The following KRT2 variants were observed in gnomAD, a reference collection of about 807,000 sequenced individuals.
The protein encoded by KRT2 is keratin 2.
KRT2 carries 37 observed loss-of-function variants against 48.5 expected under a neutral mutation model. That is an observed-to-expected ratio of 0.76 (90% CI 0.59 to 1.00). KRT2 has a LOEUF of 1.00. Ranked by LOEUF, KRT2 falls within the 50% of genes least tolerant of loss-of-function variation. The pLI, the probability that KRT2 is intolerant of heterozygous loss-of-function variation, is 0.00. For synonymous variants in KRT2, 324 were observed against 312.2 expected, an observed-to-expected ratio of 1.04 and a Z score of -0.40; for missense variants, 880 against 815.2, an observed-to-expected ratio of 1.08 and a Z score of -0.97.
chr12:52,651,663 C>A lies in KRT2; in HGVS notation c.480G>T (p.Leu160=). The part of the protein sequence containing the change: ...IHEVSVNQSL[L]QPLNVKVDPE... Reference sequence around the variant, plus strand: ...GGTCAACTTTCACGTTGAGAGGCTGCAGGAGGCTCTGGTTGACAGAGACTT... The same window carrying A: ...GGTCAACTTTCACGTTGAGAGGCTGAAGGAGGCTCTGGTTGACAGAGACTT... The change falls in exon 1 of 9, where the codon CTG becomes CTT. Residue 160 remains leucine, a synonymous_variant. Coordinates refer to ENST00000309680, the MANE Select transcript of KRT2 (RefSeq NM_000423.3). The A allele has an allele frequency of 1.2e-6, 2 of 1,614,114 alleles. No homozygotes were observed. Among genetic ancestry groups the A allele is most frequent in the South Asian group, 1.1e-5 (1 of 91,076 alleles).
Position 52,647,729 on chromosome 12 carries a change from C to CAT in KRT2, c.1248_1248+1insAT (p.Cys417IlefsTer27). On this transcript the variant is annotated frameshift_variant and splice_region_variant. Coordinates refer to ENST00000309680, the MANE Select transcript of KRT2 (RefSeq NM_000423.3). LOFTEE classifies it high-confidence loss of function. The stretch of plus-strand genomic sequence containing the variant: ...CCTCGCTGGACAGGGCTGGGCCTCA[C>CAT]CTGCTTCTTCACATGTGCGATCTCC... 1 of 1,613,764 alleles carries CAT rather than the reference C, an allele frequency of 6.2e-7. No homozygotes were observed. Among genetic ancestry groups the CAT allele is most frequent in the Non-Finnish European group, 8.5e-7 (1 of 1,179,884 alleles).
Position 52,651,693 on chromosome 12 carries a change from G to T in KRT2, c.450C>A (p.Ile150=). ...GFGPGGYPGG[I]HEVSVNQSLL... Reference sequence around the variant, plus strand: ...GGCTCTGGTTGACAGAGACTTCGTGGATGCCACCAGGGTATCCTCCAGGCC... The same window carrying T: ...GGCTCTGGTTGACAGAGACTTCGTGTATGCCACCAGGGTATCCTCCAGGCC... The change falls in exon 1 of 9, where the codon ATC becomes ATA. Residue 150 remains isoleucine, a synonymous_variant. Transcript: ENST00000309680. 1.9e-6 allele frequency: 3 copies of T among 1,614,036 alleles called. No homozygotes were observed. The highest frequency in any genetic ancestry group is 2.5e-6 in the Non-Finnish European group (3 of 1,180,008).
In KRT2 at chr12:52,647,842, T is replaced by C. The variant is rs767218241; in HGVS notation, c.1136A>G (p.Gln379Arg). 2 of 1,614,152 alleles carry C rather than the reference T, an allele frequency of 1.2e-6. No homozygotes were observed. Among genetic ancestry groups the C allele is most frequent in the South Asian group, 2.2e-5 (2 of 91,072 alleles). The change falls in exon 6 of 9, where the codon CAG (glutamine) becomes CGG (arginine). Residue 379 changes from glutamine to arginine, a missense_variant. Coordinates refer to ENST00000309680, the MANE Select transcript of KRT2 (RefSeq NM_000423.3). ...ALYHSKYEEL[Q>R]VTVGRHGDSL... Reference sequence around the variant, plus strand: ...GTCTCCATGTCTCCCGACAGTCACCTGGAGCTCCTCATACTGATATGGGGA... The same window carrying C: ...GTCTCCATGTCTCCCGACAGTCACCCGGAGCTCCTCATACTGATATGGGGA...
chr12:52,647,349 C>T (rs746979232), intron 6 of KRT2, among the ~76,000 whole-genome samples: 3 of 152,268 alleles, frequency 2.0e-5, no homozygotes, highest in Non-Finnish European at 4.4e-5. Flanking sequence ...GCCCTCAATA[C>T]TCACTGCCCC....
chr12:52,645,810 C>T (rs545358745), intron 7 of KRT2, among the ~76,000 whole-genome samples: 5 of 152,326 alleles, frequency 3.3e-5, no homozygotes, highest in South Asian at 2.1e-4. Flanking sequence ...TGAACAGTTG[C>T]GTGGTTGATC....
At chr12:52,646,156 C>T (rs1941158974) in intron 7 of KRT2, among the ~76,000 whole-genome samples, 1 of 152,218 alleles carries the variant, frequency 6.6e-6, no homozygotes, top group Non-Finnish European at 1.5e-5. Context: ...GGTAGCTTTT[C>T]CCCTTCCAAT....
chr12:52,652,098 ACCT>A lies in KRT2; in HGVS notation c.42_44del (p.Gly18del), dbSNP rs1941264284. 1 of 1,584,652 alleles carries A rather than the reference ACCT, an allele frequency of 6.3e-7. No individual in the cohort carries two copies. Among genetic ancestry groups the A allele is most frequent in the Non-Finnish European group, 8.5e-7 (1 of 1,171,658 alleles). The stretch of plus-strand genomic sequence containing the variant: ...TGCTGAAGCCCCGGAATCCTCCTCC[ACCT>A]CCTCCTCTTCCTCGAGATTTGCAAG... On this transcript the variant is annotated inframe_deletion, in exon 1 of 9. Transcript: ENST00000309680.
At position 52,646,837 on chromosome 12, in the gene KRT2, G is replaced by A. The variant is rs779911777; in HGVS notation, c.1372C>T (p.Arg458Trp). 2.5e-5 allele frequency: 40 copies of A among 1,613,986 alleles called. No homozygotes were observed. The highest frequency in any genetic ancestry group is 2.2e-4 in the South Asian group (20 of 91,076). Residue 458 changes from arginine (R) to tryptophan (W), a missense_variant, in exon 7 of 9, where the codon CGG (arginine) becomes TGG (tryptophan). Coordinates refer to ENST00000309680, the MANE Select transcript of KRT2 (RefSeq NM_000423.3). Reference sequence around the variant, plus strand: ...AGCTCCTGGTAGTCACGCAGCAGCCGCGCCAAGTCCTCCTTGGCCTGCTGC... The same window carrying A: ...AGCTCCTGGTAGTCACGCAGCAGCCACGCCAAGTCCTCCTTGGCCTGCTGC... ...ALQQAKEDLA[R>W]LLRDYQELMN...
rs1464188348 is a variant in KRT2, at chr12:52,644,937, G to A, written c.*82C>T. 10 of 1,490,226 alleles carry A rather than the reference G, an allele frequency of 6.7e-6. No individual in the cohort carries two copies. The highest frequency in any genetic ancestry group is 2.3e-5 in the East Asian group (1 of 44,282). 92.3% of individuals were successfully genotyped at this position (1,490,226 alleles called of 1,614,324 possible). A position where few individuals can be genotyped will look rare whatever the true frequency, so the allele number is the denominator to read the frequency against. On this transcript the variant is annotated 3_prime_UTR_variant, in exon 9 of 9. Transcript: ENST00000309680. Reference sequence around the variant, plus strand: ...ATGACAAAAATTTAACTTGCTGCCAGTTAGAGGTACAGAGACAGGCTTCTA... The same window carrying A: ...ATGACAAAAATTTAACTTGCTGCCAATTAGAGGTACAGAGACAGGCTTCTA...
chr12:52,648,503 C>A (rs1166896156), intron 4 of KRT2, among the ~76,000 whole-genome samples, 166 bp from the exon 5 acceptor site: 1 of 152,172 alleles, frequency 6.6e-6, no homozygotes, highest in East Asian at 1.9e-4. Flanking sequence ...CCAAGGTTGT[C>A]CTGAGAATTG....
intron 5 of KRT2, 111 bp downstream of exon 5, chr12:52,648,062 C>G: frequency 7.5e-7 from 1 of 1,337,186 alleles, no homozygotes; most frequent in Non-Finnish European, 1.1e-6. Context: ...GGAATGGTGC[C>G]CAACTACCAT....
In KRT2 at chr12:52,645,566, C is replaced by T. The variant is rs1174580607; in HGVS notation, c.1473G>A (p.Met491Ile). Reference sequence around the variant, plus strand: ...TCACATTGCTGCTGAGGTCTCCAGACATCCTGTAAGGGAGAGAGAAAAAAC... The same window carrying T: ...TCACATTGCTGCTGAGGTCTCCAGATATCCTGTAAGGGAGAGAGAAAAAAC... ...RKLLEGEECRMSGDLSSNVTV... is the reference protein window; with the variant it reads ...RKLLEGEECRISGDLSSNVTV... Residue 491 changes from methionine (M) to isoleucine (I), a missense_variant, in exon 8 of 9, where the codon ATG (methionine) becomes ATA (isoleucine). By Grantham distance (10) the Met-to-Ile change is conservative. Coordinates refer to ENST00000309680, the MANE Select transcript of KRT2 (RefSeq NM_000423.3). The T allele has an allele frequency of 1.2e-6, 2 of 1,614,064 alleles. No homozygotes were observed. The highest frequency in any genetic ancestry group is 1.7e-6 in the Non-Finnish European group (2 of 1,180,008).
chr12:52,652,184 G>T lies in KRT2; in HGVS notation c.-42C>A, dbSNP rs1006971746. On this transcript the variant is annotated 5_prime_UTR_variant, in exon 1 of 9. Coordinates refer to ENST00000309680, the MANE Select transcript of KRT2 (RefSeq NM_000423.3). ...GAGGAAAGTCACAGGCTCTTGAGAA[G>T]AGTCAAGGCTGGAGACTCAACTGTG... The T allele has an allele frequency of 1.4e-6, 2 of 1,435,300 alleles. No individual in the cohort carries two copies. The highest frequency in any genetic ancestry group is 1.2e-5 in the South Asian group (1 of 82,018). The allele number at this position is 1,435,300 out of a possible 1,614,324, so 88.9% of individuals were successfully genotyped here.
At chr12:52,647,100 A>G (rs1941179050) in intron 6 of KRT2, 140 bp from the exon 7 acceptor site, 1 of 766,580 alleles carries the variant, frequency 1.3e-6, no homozygotes, top group African/African-American at 1.7e-5. Context: ...CAACTGTGCT[A>G]AGACTTGCCG....
In KRT2 at chr12:52,648,239, G is replaced by C. The variant is rs764340536; in HGVS notation, c.1056C>G (p.Val352=). 2.5e-6 allele frequency: 4 copies of C among 1,614,146 alleles called. No homozygotes were observed. The highest frequency in any genetic ancestry group is 1.3e-5 in the African/African-American group (1 of 75,026). Reference sequence around the variant, plus strand: ...GGGCGATCTCCTCATACTGGGCCTTGACCTCGGCGATGATGCTATCCAAGT... The same window carrying C: ...GGGCGATCTCCTCATACTGGGCCTTCACCTCGGCGATGATGCTATCCAAGT... ...NLDLDSIIAE[V]KAQYEEIAQR... The change falls in exon 5 of 9, where the codon GTC becomes GTG. Residue 352 remains valine, a synonymous_variant. Transcript: ENST00000309680.
At position 52,644,591 on chromosome 12, in the gene KRT2, C is replaced by T. The variant is rs369773369; in HGVS notation, c.*428G>A. ...AAATGAGGTTTATTATGAAGACCCC[C>T]AGACCACAGCACTTCCGAAAGCAGA... On this transcript the variant is annotated 3_prime_UTR_variant, in exon 9 of 9. Coordinates refer to ENST00000309680, the MANE Select transcript of KRT2 (RefSeq NM_000423.3). The T allele has an allele frequency of 5.3e-5, 12 of 226,468 alleles. 1 individual carries two copies. In the East Asian group the frequency reaches 9.9e-4, roughly 19 times the overall value. The allele number at this position is 226,468 out of a possible 1,614,324, so 14.0% of individuals were successfully genotyped here. A position where few individuals can be genotyped will look rare whatever the true frequency, so the allele number is the denominator to read the frequency against.
Position 52,649,115 on chromosome 12 carries a change from T to TTGTCCACGTCC in KRT2, c.862-14_862-13insGGACGTGGACA, listed in dbSNP as rs1941212095. 6.4e-7 allele frequency: 1 copy of TTGTCCACGTCC among 1,555,832 alleles called. No individual in the cohort carries two copies. The stretch of plus-strand genomic sequence containing the variant: ...CATTGTCCACGTCCTGCAAGAAAGG[T>TTGTCCACGTCC]TGAGGCCTCTGGTGTATGGTTCCCT... On this transcript the variant is annotated splice_polypyrimidine_tract_variant and intron_variant, in intron 3 of 8. Transcript: ENST00000309680.
rs1941187496 is a variant in KRT2 at position 52,647,677 on chromosome 12, A to G, written c.1248+53T>C. ...CACACTCACACACAACCACACTCTCACGCACACCCAGAGACAACCTCCCGC... is the reference window on the plus strand; with the variant it reads ...CACACTCACACACAACCACACTCTCGCGCACACCCAGAGACAACCTCCCGC... On this transcript the variant is annotated intron_variant, in intron 6 of 8. Transcript: ENST00000309680. 8.1e-6 allele frequency: 13 copies of G among 1,604,338 alleles called. No homozygotes were observed. The South Asian group carries it at 1.0e-4, about 12-fold the overall frequency.
chr12:52,649,874 C>G (rs776801300), intron 3 of KRT2, 40 bp downstream of exon 3: 1 of 1,521,366 alleles, frequency 6.6e-7, no homozygotes, highest in Non-Finnish European at 9.1e-7. Context: ...CTGTGAAGCA[C>G]TCCTATCCCC....
Sources: allele counts gnomAD v4.1 joint callset (sites outside exome capture counted in the v4.1 genomes callset), GRCh38; gene constraint gnomAD v4.1.1; transcripts MANE v1.5; gene names NCBI Gene and HGNC (gene_info 2026-07-23, HGNC 2026-07-21).